TBC1D9: variants seen among roughly 807,000 people sequenced by gnomAD.
TBC1D9 encodes TBC1 domain family member 9.
A neutral mutation model predicts 132.0 loss-of-function variants in TBC1D9; 63 were observed. That is an observed-to-expected ratio of 0.48 (90% confidence interval 0.39 to 0.59). The LOEUF is 0.59. Among genes scored for constraint, TBC1D9 ranks in the 20% least tolerant of loss-of-function variants. The pLI, the probability that TBC1D9 is intolerant of heterozygous loss-of-function variation, is 0.00. For synonymous variants in TBC1D9, 610 were observed against 609.9 expected, an observed-to-expected ratio of 1.00 and a Z score of 0.00; for missense variants, 1,261 against 1,592.7, an observed-to-expected ratio of 0.79 and a Z score of 3.54.
intron 13 of TBC1D9, chr4:140,642,527 T>C: frequency 8.6e-7 from 1 of 1,163,678 alleles, no homozygotes; most frequent in Non-Finnish European, 1.3e-6. Flanking sequence ...GACTTCAACT[T>C]GTCCTGCTTG....
chr4:140,694,267 T>C (rs2111032903), intron 2 of TBC1D9, among the ~76,000 whole-genome samples: 1 of 152,280 alleles, frequency 6.6e-6, no homozygotes, highest in South Asian at 2.1e-4. Flanking sequence ...TCACATAAAA[T>C]ATCTACTTAT....
intron 9 of TBC1D9, among the ~76,000 whole-genome samples, chr4:140,666,630 G>A (rs919066877): frequency 1.4e-4 from 22 of 151,960 alleles, no homozygotes; most frequent in South Asian, 4.2e-4. Context: ...GAGCCACCGC[G>A]CCCAGCCTAT....
intron 13 of TBC1D9, chr4:140,642,212 A>C (rs1737012053): frequency 2.7e-6 from 2 of 736,912 alleles, no homozygotes; most frequent in Non-Finnish European, 4.9e-6. Context: ...TGGGCGGGCC[A>C]CTCTCCTTCA....
intron 13 of TBC1D9, among the ~76,000 whole-genome samples, chr4:140,640,117 T>C (rs893560605): frequency 1.3e-5 from 2 of 152,184 alleles, no homozygotes; most frequent in African/African-American, 4.8e-5. Context: ...ACCAAAAAAG[T>C]ATCTGAGACA....
At chr4:140,732,589 T>A (rs1738611140) in intron 1 of TBC1D9, among the ~76,000 whole-genome samples, 1 of 152,224 alleles carries the variant, frequency 6.6e-6, no homozygotes, top group African/African-American at 2.4e-5. Flanking sequence ...AGTACTTATT[T>A]AATTAACTGA....
intron 1 of TBC1D9, 36 bp from the exon 2 acceptor site, chr4:140,701,650 T>C (rs1272796603): frequency 6.5e-7 from 1 of 1,540,256 alleles, no homozygotes; most frequent in Non-Finnish European, 9.0e-7. Flanking sequence ...AGGTAAGAAT[T>C]GCCTTAGTAC....
At chr4:140,643,107 G>T (rs976621116) in intron 13 of TBC1D9, 77 of 1,400,490 alleles carry the variant, frequency 5.5e-5, no homozygotes, top group Non-Finnish European at 6.9e-5. Context: ...GGGAGCCGCA[G>T]GTTCTTGAGC....
At chr4:140,680,255 A>C (rs1239678937) in intron 3 of TBC1D9, among the ~76,000 whole-genome samples, 1 of 152,116 alleles carries the variant, frequency 6.6e-6, no homozygotes, top group Non-Finnish European at 1.5e-5. Flanking sequence ...GAAAGACCAA[A>C]CACATGTCAC....
intron 1 of TBC1D9, among the ~76,000 whole-genome samples, chr4:140,740,586 T>C (rs2111077495): frequency 6.6e-6 from 1 of 152,338 alleles, no homozygotes; most frequent in South Asian, 2.1e-4. Flanking sequence ...CCCAGGAATG[T>C]AACCATTGCC....
intron 13 of TBC1D9, chr4:140,643,948 CCACCTT>C: frequency 1.6e-6 from 1 of 632,876 alleles, no homozygotes; most frequent in Non-Finnish European, 2.9e-6. Context: ...TCCTCCACCT[CCACCTT>C]CGCCTCCTGT....
At chr4:140,703,973 TTGAG>T (rs1167548179) in intron 1 of TBC1D9, among the ~76,000 whole-genome samples, 1 of 152,194 alleles carries the variant, frequency 6.6e-6, no homozygotes, top group Non-Finnish European at 1.5e-5. Context: ...TCACTCATAA[TTGAG>T]TGTTTGTAAT....
chr4:140,621,040 T>C lies in TBC1D9; in HGVS notation c.*1155A>G, dbSNP rs1274149305. ...CCAACATCTGTAAAAAGCAAAATCA[T>C]AACAGTAATAAAAAAGAAGCAAGAA... On this transcript the variant is annotated 3_prime_UTR_variant, in exon 21 of 21. Coordinates refer to ENST00000442267, the MANE Select transcript of TBC1D9 (RefSeq NM_015130.3). 1 of 152,612 alleles carries C rather than the reference T, an allele frequency of 6.6e-6. No homozygotes were observed. Among genetic ancestry groups the C allele is most frequent in the African/African-American group, 2.4e-5 (1 of 41,450 alleles). 9.5% of individuals were successfully genotyped at this position (152,612 alleles called of 1,614,324 possible). A position where few individuals can be genotyped will look rare whatever the true frequency, so the allele number is the denominator to read the frequency against.
intron 2 of TBC1D9, among the ~76,000 whole-genome samples, chr4:140,699,415 T>C (rs1456478630): frequency 6.6e-6 from 1 of 152,148 alleles, no homozygotes; most frequent in African/African-American, 2.4e-5. Flanking sequence ...AAAACACTAT[T>C]TCAGGGAGGT....
At chr4:140,642,842 G>A (rs563957415) in intron 13 of TBC1D9, 91 of 579,134 alleles carry the variant, frequency 1.6e-4, no homozygotes, top group African/African-American at 1.1e-3. Context: ...CAGGGCTCTC[G>A]GGGGCGTGGG....
chr4:140,626,266 T>G (rs1219227807), intron 18 of TBC1D9, among the ~76,000 whole-genome samples: 2 of 152,098 alleles, frequency 1.3e-5, no homozygotes, highest in Non-Finnish European at 2.9e-5. Flanking sequence ...AGGTCCTAAT[T>G]ACACCCAATA....
chr4:140,744,459 A>G (rs1738807625), intron 1 of TBC1D9, among the ~76,000 whole-genome samples: 1 of 152,162 alleles, frequency 6.6e-6, no homozygotes, highest in African/African-American at 2.4e-5. Flanking sequence ...CATTAACATT[A>G]AAACAGAGAT....
intron 13 of TBC1D9, chr4:140,643,478 G>A (rs532909890): frequency 5.6e-4 from 499 of 891,540 alleles, no homozygotes; most frequent in Non-Finnish European, 7.7e-4. Context: ...AGGTGCTGCC[G>A]GGCACAGGCA....
intron 1 of TBC1D9, among the ~76,000 whole-genome samples, chr4:140,710,168 AAACT>A (rs2111047288): frequency 6.6e-6 from 1 of 152,324 alleles, no homozygotes; most frequent in East Asian, 1.9e-4. Flanking sequence ...AAAACTCAAC[AAACT>A]AACATAAAAC....
At chr4:140,713,749 T>TAA (rs11438285) in intron 1 of TBC1D9, among the ~76,000 whole-genome samples, 44,893 of 147,734 alleles carry the variant, frequency 0.3, 7,890 homozygotes, top group South Asian at 0.41. Context: ...GAAAAAGAAT[T>TAA]AAAAAAAAAA....
Sources: gnomAD v4.1 joint callset for allele counts (sites outside exome capture counted in the v4.1 genomes callset) on GRCh38, gnomAD v4.1.1 for gene constraint, MANE v1.5 for transcripts, NCBI Gene and HGNC (gene_info 2026-07-23, HGNC 2026-07-21) for gene names.